The following ALLC variants were observed in gnomAD, a reference collection of about 807,000 sequenced individuals.
ALLC encodes probable inactive allantoicase.
ALLC carries 40 observed loss-of-function variants against 45.0 expected under a neutral mutation model. The observed-to-expected ratio is 0.89, with a 90% CI of 0.69 to 1.16. ALLC has a LOEUF of 1.16. Among genes scored for constraint, ALLC ranks in the 50% most tolerant of loss-of-function variants. ALLC has a pLI of 0.00. For missense variants in ALLC, 488 were observed against 493.1 expected (o/e 0.99, Z 0.10); for synonymous variants, 176 against 178.1 (o/e 0.99, Z 0.09).
the ALLC span, among the ~76,000 whole-genome samples, chr2:3,651,309 T>TGG: frequency 1.7e-4 from 2 of 11,602 alleles, no homozygotes; most frequent in South Asian, 5.2e-3. Flanking sequence ...GGTGGGTGGG[T>TGG]GGGTGGGGGG....
intron 1 of ALLC, among the ~76,000 whole-genome samples, chr2:3,661,480 G>C (rs1229618930): frequency 1.3e-5 from 2 of 152,168 alleles, no homozygotes; most frequent in African/African-American, 2.4e-5. Flanking sequence ...AGAAATGCTT[G>C]GGGCCCAGGA....
chr2:3,666,172 C>A (rs1558534764), intron 1 of ALLC, among the ~76,000 whole-genome samples: 1 of 152,228 alleles, frequency 6.6e-6, no homozygotes, highest in Non-Finnish European at 1.5e-5. Context: ...GGACCCCTGG[C>A]TTCTCCCACC....
At position 3,685,770 on chromosome 2, in the gene ALLC, A is replaced by ATTTTTCT. The variant is rs1667321991; in HGVS notation, c.511+2699_511+2700insTTCTTTT. On this transcript the variant is annotated intron_variant, in intron 7 of 11. Coordinates refer to ENST00000252505, the MANE Select transcript of ALLC (RefSeq NM_018436.4). ...CATTTAAAAAATATACCTGTTGCCC[A>ATTTTTCT]TTTGTATGCCTTCTTTTGAGAAATA... Among the ~76,000 whole-genome samples the ATTTTTCT allele has an allele frequency of 1.3e-5, 2 of 151,020 alleles. 1 individual carries two copies. The highest frequency in any genetic ancestry group is 3.9e-4 in the East Asian group (2 of 5,094).
At chr2:3,683,681 A>G (rs773760987) in intron 7 of ALLC, among the ~76,000 whole-genome samples, 2 of 152,210 alleles carry the variant, frequency 1.3e-5, no homozygotes, top group Non-Finnish European at 2.9e-5. Context: ...TCCACTTAGT[A>G]TAATGTTTTC....
At chr2:3,678,153 C>G (rs1404945549) in intron 3 of ALLC, among the ~76,000 whole-genome samples, 1 of 152,220 alleles carries the variant, frequency 6.6e-6, no homozygotes, top group African/African-American at 2.4e-5. Context: ...CTTTAATACC[C>G]ATGTAGGTTG....
chr2:3,701,377 C>A, intron 10 of ALLC, 135 bp from the exon 11 acceptor site: 1 of 1,080,198 alleles, frequency 9.3e-7, no homozygotes, highest in Non-Finnish European at 1.3e-6. Flanking sequence ...ATACTTCATA[C>A]CTTTGCTTTT....
chr2:3,691,139 A>C (rs1249251339), intron 7 of ALLC, among the ~76,000 whole-genome samples: 1 of 152,048 alleles, frequency 6.6e-6, no homozygotes, highest in Non-Finnish European at 1.5e-5. Flanking sequence ...ATGTCATCCC[A>C]CTTCTTTTTG....
chr2:3,661,096 G>C (rs1179550932), intron 1 of ALLC, among the ~76,000 whole-genome samples: 1 of 152,012 alleles, frequency 6.6e-6, no homozygotes, highest in African/African-American at 2.4e-5. Context: ...TTCACAACCC[G>C]TCCCCCTCCC....
the ALLC span, among the ~76,000 whole-genome samples, chr2:3,652,453 G>A: frequency 7.5e-3 from 1,141 of 152,330 alleles, 11 homozygotes; most frequent in African/African-American, 0.026. Flanking sequence ...ATACAAAGGA[G>A]GCTGGGAAGC....
the ALLC span, among the ~76,000 whole-genome samples, chr2:3,650,552 C>T: frequency 7.9e-5 from 4 of 50,942 alleles, no homozygotes; most frequent in Non-Finnish European, 1.1e-4. Context: ...CCCCTCGGCC[C>T]GGTGAACATG....
intron 7 of ALLC, among the ~76,000 whole-genome samples, chr2:3,686,381 A>T (rs1667335213): frequency 6.6e-6 from 1 of 150,970 alleles, no homozygotes. Context: ...TACATTTTGA[A>T]GTCAGGTAGT....
chr2:3,701,083 A>C (rs1250625878), intron 10 of ALLC, among the ~76,000 whole-genome samples: 1 of 152,220 alleles, frequency 6.6e-6, no homozygotes, highest in Non-Finnish European at 1.5e-5. Context: ...CATAAAACTC[A>C]GTATTTCCTT....
At chr2:3,662,921 G>A (rs963931736) in intron 1 of ALLC, among the ~76,000 whole-genome samples, 4 of 152,192 alleles carry the variant, frequency 2.6e-5, no homozygotes, top group Admixed American at 2.0e-4. Context: ...GCCTGGCAAT[G>A]CTGCGACCCC....
rs375710666 is a variant in ALLC at position 3,682,951 on chromosome 2, G to A, written c.388G>A (p.Asp130Asn). ...EFEAIAELKS[D>N]DWSYLVPMTE... The stretch of plus-strand genomic sequence containing the variant: ...CTATATTTATTGCTAGCTAAAATCC[G>A]ACGACTGGAGTTACTTGGTTCCCAT... The change falls in exon 7 of 12, where the codon GAC (aspartate) becomes AAC (asparagine). Residue 130 changes from aspartate to asparagine, a missense_variant. By Grantham distance (23) the Asp-to-Asn change is conservative (BLOSUM62 1). Transcript: ENST00000252505. 1.9e-5 allele frequency: 31 copies of A among 1,612,030 alleles called. No homozygotes were observed. Among genetic ancestry groups the A allele is most frequent in the African/African-American group, 6.7e-5 (5 of 74,742 alleles).
At chr2:3,652,607 T>G in the ALLC span, among the ~76,000 whole-genome samples, 1 of 131,058 alleles carries the variant, frequency 7.6e-6, no homozygotes, top group Non-Finnish European at 1.6e-5. Context: ...TTTTTTTTTT[T>G]GGAAATGGAG....
chr2:3,678,125 T>C (rs1334145695), intron 3 of ALLC, among the ~76,000 whole-genome samples: 4 of 152,200 alleles, frequency 2.6e-5, no homozygotes, highest in Non-Finnish European at 5.9e-5. Flanking sequence ...TGCTTGGAAA[T>C]CTGACCAGCC....
At chr2:3,651,428 T>A in the ALLC span, among the ~76,000 whole-genome samples, 9 of 58,834 alleles carry the variant, frequency 1.5e-4, no homozygotes, top group South Asian at 8.3e-4. Flanking sequence ...TGTGTGTGTG[T>A]GTGTGTGTGT....
chr2:3,673,190 T>G (rs967639957), intron 2 of ALLC, among the ~76,000 whole-genome samples: 2 of 152,224 alleles, frequency 1.3e-5, no homozygotes, highest in African/African-American at 4.8e-5. Context: ...GCCCACATGC[T>G]CCAGGTGGCT....
upstream of ALLC, among the ~76,000 whole-genome samples, chr2:3,657,114 C>A (rs922552737): frequency 2.2e-4 from 34 of 152,204 alleles, no homozygotes; most frequent in African/African-American, 4.8e-4. Flanking sequence ...TAAAGAATTT[C>A]ATCTGGATGG....
Sources: gnomAD v4.1 joint callset for allele counts (sites outside exome capture counted in the v4.1 genomes callset) on GRCh38, gnomAD v4.1.1 for gene constraint, MANE v1.5 for transcripts, NCBI Gene and HGNC (gene_info 2026-07-23, HGNC 2026-07-21) for gene names.